Variants in ZFAND3 observed in about 807,000 individuals in gnomAD.
ZFAND3 encodes the protein zinc finger AN1-type containing 3, also known as AN1-type zinc finger protein 3.
ZFAND3 carries 10 observed loss-of-function variants against 29.6 expected under a neutral mutation model. The observed-to-expected ratio is 0.34, with a 90% CI of 0.21 to 0.57. The LOEUF (loss-of-function observed/expected upper bound fraction) is 0.57, where lower values mean the gene tolerates loss of function less well. ZFAND3 is among the 20% of genes least tolerant of loss of function. The probability of loss-of-function intolerance (pLI) is 0.86; values close to 1 mark genes in which losing one functional copy is unlikely to be tolerated. For missense variants in ZFAND3, 230 were observed against 304.5 expected, an observed-to-expected ratio of 0.76 and a Z score of 1.82; for synonymous variants, 128 against 112.6, an observed-to-expected ratio of 1.14 and a Z score of -0.87.
intron 1 of ZFAND3, among the ~76,000 whole-genome samples, chr6:37,838,127 G>A (rs1764003113): frequency 6.6e-6 from 1 of 152,164 alleles, no homozygotes; most frequent in African/African-American, 2.4e-5. Flanking sequence ...GTTTGTTCTT[G>A]AACTTCTGGC....
At chr6:38,039,244 G>A (rs1763715239) in intron 2 of ZFAND3, among the ~76,000 whole-genome samples, 1 of 152,134 alleles carries the variant, frequency 6.6e-6, no homozygotes, top group African/African-American at 2.4e-5. Context: ...TTAAAGGACC[G>A]TAAGTATTAT....
At chr6:38,026,890 A>G (rs1021436248) in intron 2 of ZFAND3, among the ~76,000 whole-genome samples, 2 of 151,252 alleles carry the variant, frequency 1.3e-5, no homozygotes, top group Admixed American at 6.6e-5. Flanking sequence ...TCCTGCCTGC[A>G]CATTAGCTAA....
chr6:38,045,479 A>T, intron 2 of ZFAND3, among the ~76,000 whole-genome samples: 1 of 152,206 alleles, frequency 6.6e-6, no homozygotes, highest in East Asian at 1.9e-4. Flanking sequence ...GAATCTAATC[A>T]TAGTTCCTTA....
chr6:37,984,275 A>G (rs1204204098), intron 2 of ZFAND3, among the ~76,000 whole-genome samples: 1 of 152,256 alleles, frequency 6.6e-6, no homozygotes, highest in African/African-American at 2.4e-5. Flanking sequence ...AATTCTTACA[A>G]TTAGTTAGAA....
chr6:38,030,154 TTTTCC>T (rs559740841), intron 2 of ZFAND3, among the ~76,000 whole-genome samples: 2 of 144,876 alleles, frequency 1.4e-5, no homozygotes, highest in Non-Finnish European at 1.5e-5. Flanking sequence ...TTTTCTTTCC[TTTTCC>T]TTTCCTTTCC....
intron 2 of ZFAND3, among the ~76,000 whole-genome samples, chr6:38,051,523 C>G (rs1561981390): frequency 6.6e-6 from 1 of 152,202 alleles, no homozygotes; most frequent in Non-Finnish European, 1.5e-5. Context: ...ACACTAAGGA[C>G]TAATGGCTTG....
intron 2 of ZFAND3, among the ~76,000 whole-genome samples, chr6:37,985,538 C>T (rs922474889): frequency 1.1e-4 from 16 of 151,984 alleles, no homozygotes; most frequent in African/African-American, 1.5e-4. Context: ...CCCCCACACA[C>T]GCCTGGTGGC....
chr6:38,001,860 G>C (rs1762953741), intron 2 of ZFAND3, among the ~76,000 whole-genome samples: 1 of 152,180 alleles, frequency 6.6e-6, no homozygotes, highest in Non-Finnish European at 1.5e-5. Context: ...TTGCACACAA[G>C]AGAATTGAGT....
chr6:38,112,552 T>A (rs1235529554), intron 4 of ZFAND3, among the ~76,000 whole-genome samples: 2 of 152,248 alleles, frequency 1.3e-5, no homozygotes, highest in African/African-American at 2.4e-5. Context: ...TTCAGGAAAT[T>A]GGCAATGCTT....
At chr6:37,876,929 C>T (rs540786097) in intron 1 of ZFAND3, among the ~76,000 whole-genome samples, 3 of 152,068 alleles carry the variant, frequency 2.0e-5, no homozygotes, top group Non-Finnish European at 4.4e-5. Flanking sequence ...TGAAGATATT[C>T]TTTGTCCACT....
intron 2 of ZFAND3, among the ~76,000 whole-genome samples, chr6:37,983,655 C>A (rs1432525735): frequency 6.6e-6 from 1 of 151,732 alleles, no homozygotes; most frequent in African/African-American, 2.4e-5. Context: ...CACCCCCCAC[C>A]CCTGGCCCCA....
At chr6:37,888,197 C>T (rs973834987) in intron 1 of ZFAND3, among the ~76,000 whole-genome samples, 1 of 151,854 alleles carries the variant, frequency 6.6e-6, no homozygotes, top group Non-Finnish European at 1.5e-5. Context: ...AAAATTTTTG[C>T]AGGTTTGATT....
At chr6:37,912,613 C>T (rs541589052) in intron 1 of ZFAND3, among the ~76,000 whole-genome samples, 5 of 152,158 alleles carry the variant, frequency 3.3e-5, no homozygotes, top group African/African-American at 1.2e-4. Context: ...CTGATAATGC[C>T]TTTGCATTCA....
chr6:37,856,966 C>A (rs1764395522), intron 1 of ZFAND3, among the ~76,000 whole-genome samples: 1 of 149,754 alleles, frequency 6.7e-6, no homozygotes, highest in African/African-American at 2.5e-5. Flanking sequence ...TTTTTTGAGA[C>A]AAGATCTCAC....
chr6:37,940,725 C>T (rs1037840793), intron 2 of ZFAND3, among the ~76,000 whole-genome samples: 2 of 152,038 alleles, frequency 1.3e-5, no homozygotes, highest in East Asian at 1.9e-4. Flanking sequence ...GAGAGAGTGA[C>T]AATTTTAACT....
intron 5 of ZFAND3, among the ~76,000 whole-genome samples, chr6:38,127,705 T>G (rs1231438808): frequency 6.6e-6 from 1 of 152,186 alleles, no homozygotes; most frequent in East Asian, 1.9e-4. Context: ...TTTTTTTTTT[T>G]TTTAAATAAA....
intron 1 of ZFAND3, among the ~76,000 whole-genome samples, chr6:37,896,375 A>C (rs780753765): frequency 1.3e-5 from 2 of 152,080 alleles, no homozygotes; most frequent in Non-Finnish European, 2.9e-5. Context: ...GTATTAAATC[A>C]GCCTTGGACT....
intron 1 of ZFAND3, among the ~76,000 whole-genome samples, chr6:37,881,791 A>G (rs962254318): frequency 6.6e-6 from 1 of 152,028 alleles, no homozygotes; most frequent in Non-Finnish European, 1.5e-5. Context: ...GACTTCAGGG[A>G]TAGGGGTAGG....
At chr6:38,034,227 T>C (rs1388427490) in intron 2 of ZFAND3, among the ~76,000 whole-genome samples, 1 of 152,142 alleles carries the variant, frequency 6.6e-6, no homozygotes, top group Non-Finnish European at 1.5e-5. Flanking sequence ...CTCTTCCTTT[T>C]CTCTTTGTAT....
Sources: gnomAD v4.1 joint callset for allele counts (sites outside exome capture counted in the v4.1 genomes callset) on GRCh38, gnomAD v4.1.1 for gene constraint, MANE v1.5 for transcripts, NCBI Gene and HGNC (gene_info 2026-07-23, HGNC 2026-07-21) for gene names.